CTNNA3: variants seen among roughly 807,000 people sequenced by gnomAD.
The protein encoded by CTNNA3 is catenin alpha-3.
A neutral mutation model predicts 95.7 loss-of-function variants in CTNNA3; 76 were observed. The ratio of observed to expected loss-of-function variants is 0.79; its 90% CI spans 0.66 to 0.96. CTNNA3 has a LOEUF of 0.96. Among genes scored for constraint, CTNNA3 ranks in the 40% least tolerant of loss-of-function variants. The pLI, the probability that CTNNA3 is intolerant of heterozygous loss-of-function variation, is 0.00. For missense variants in CTNNA3, 1,191 were observed against 1,089.8 expected (o/e 1.09, Z -1.31); for synonymous variants, 431 against 374.4 (o/e 1.15, Z -1.74).
chr10:67,621,155 C>A (rs1371382195), intron 2 of CTNNA3, among the ~76,000 whole-genome samples: 2 of 151,946 alleles, frequency 1.3e-5, no homozygotes, highest in African/African-American at 4.8e-5. Flanking sequence ...TCCAGAGATT[C>A]TGATTTAACT....
intron 9 of CTNNA3, among the ~76,000 whole-genome samples, chr10:66,716,511 G>A (rs907251277): frequency 1.3e-5 from 2 of 152,144 alleles, no homozygotes; most frequent in African/African-American, 4.8e-5. Flanking sequence ...AAAAATTGTG[G>A]AGAAGAATTT....
chr10:66,078,941 G>A (rs1589337981), intron 14 of CTNNA3: 1 of 152,016 alleles, frequency 6.6e-6, no homozygotes, highest in Middle Eastern at 3.4e-3. Context: ...ATTTGAATAA[G>A]TTTGGTTACC....
At chr10:65,920,677 A>G (rs1017522014) in intron 17 of CTNNA3, 60 bp from the exon 18 acceptor site, 4 of 1,551,276 alleles carry the variant, frequency 2.6e-6, no homozygotes, top group African/African-American at 2.7e-5. Context: ...AATTATTGCC[A>G]AGCGTGGGCA....
intron 14 of CTNNA3, among the ~76,000 whole-genome samples, chr10:66,102,036 C>G (rs763684785): frequency 6.6e-6 from 1 of 151,974 alleles, no homozygotes; most frequent in Non-Finnish European, 1.5e-5. Context: ...CCAAACGGGT[C>G]TTTGCTTGAA....
At chr10:67,292,779 A>T (rs188456187) in intron 5 of CTNNA3, among the ~76,000 whole-genome samples, 3 of 152,318 alleles carry the variant, frequency 2.0e-5, no homozygotes. Flanking sequence ...TTCAAAGAGC[A>T]ACATTTCTGA....
intron 14 of CTNNA3, among the ~76,000 whole-genome samples, chr10:66,102,041 C>A (rs2081654686): frequency 6.6e-6 from 1 of 152,002 alleles, no homozygotes; most frequent in Non-Finnish European, 1.5e-5. Context: ...CGGGTCTTTG[C>A]TTGAAATGTT....
intron 8 of CTNNA3, among the ~76,000 whole-genome samples, chr10:66,766,781 A>T (rs1839875909): frequency 6.6e-6 from 1 of 152,216 alleles, no homozygotes; most frequent in African/African-American, 2.4e-5. Context: ...TTATAATTAC[A>T]AATTATAGAA....
At chr10:66,184,561 A>G (rs951336488) in intron 13 of CTNNA3, among the ~76,000 whole-genome samples, 2 of 152,126 alleles carry the variant, frequency 1.3e-5, no homozygotes, top group Admixed American at 6.5e-5. Context: ...ATCTTTCGTC[A>G]TTGTTTTGCA....
chr10:66,044,155 C>T (rs541705153), intron 15 of CTNNA3, among the ~76,000 whole-genome samples: 12 of 152,126 alleles, frequency 7.9e-5, no homozygotes, highest in Admixed American at 2.6e-4. Flanking sequence ...CCACCATGCC[C>T]GGCTAATTGC....
chr10:66,791,215 C>T (rs1487427637), intron 7 of CTNNA3, among the ~76,000 whole-genome samples: 1 of 152,160 alleles, frequency 6.6e-6, no homozygotes, highest in African/African-American at 2.4e-5. Context: ...AACGGGTTCC[C>T]TTTGAAGGAT....
intron 10 of CTNNA3, among the ~76,000 whole-genome samples, chr10:66,591,538 G>C (rs150448839): frequency 6.2e-4 from 94 of 152,192 alleles, no homozygotes; most frequent in Non-Finnish European, 1.1e-3. Context: ...TTCATCTGTT[G>C]GCTGCTCTGA....
intron 5 of CTNNA3, among the ~76,000 whole-genome samples, chr10:67,267,469 A>G (rs906310361): frequency 2.0e-5 from 3 of 152,120 alleles, no homozygotes; most frequent in Non-Finnish European, 4.4e-5. Context: ...GGTTCATGCC[A>G]TCCTCCTGCC....
At chr10:66,589,788 A>G (rs185328874) in intron 10 of CTNNA3, among the ~76,000 whole-genome samples, 3 of 152,138 alleles carry the variant, frequency 2.0e-5, no homozygotes, top group African/African-American at 7.2e-5. Context: ...CTTAGATAAG[A>G]TCACTTAAAA....
intron 7 of CTNNA3, among the ~76,000 whole-genome samples, chr10:66,836,573 G>A (rs1842894442): frequency 6.6e-6 from 1 of 152,226 alleles, no homozygotes; most frequent in Non-Finnish European, 1.5e-5. Flanking sequence ...ATTACCAGGC[G>A]AGTCCTGCAG....
At chr10:65,926,972 C>T (rs2077177430) in intron 17 of CTNNA3, among the ~76,000 whole-genome samples, 1 of 152,040 alleles carries the variant, frequency 6.6e-6, no homozygotes, top group South Asian at 2.1e-4. Context: ...ATATATTTTT[C>T]TATAGTCTTT....
At chr10:66,590,458 C>T (rs912448998) in intron 10 of CTNNA3, among the ~76,000 whole-genome samples, 7 of 152,050 alleles carry the variant, frequency 4.6e-5, no homozygotes, top group African/African-American at 1.7e-4. Context: ...GATTATCCTA[C>T]CATTTATCAA....
intron 5 of CTNNA3, among the ~76,000 whole-genome samples, chr10:67,351,915 A>T (rs1842651640): frequency 6.6e-6 from 1 of 152,052 alleles, no homozygotes; most frequent in East Asian, 1.9e-4. Flanking sequence ...TATTAACCAG[A>T]AGTCAGGCTT....
intron 5 of CTNNA3, among the ~76,000 whole-genome samples, chr10:67,248,952 T>C (rs1263766257): frequency 1.3e-5 from 2 of 152,128 alleles, no homozygotes; most frequent in East Asian, 1.9e-4. Flanking sequence ...ACCTCAGGCA[T>C]AAATGGGTTT....
intron 11 of CTNNA3, among the ~76,000 whole-genome samples, chr10:66,441,547 A>T: frequency 6.6e-6 from 1 of 152,248 alleles, no homozygotes; most frequent in Non-Finnish European, 1.5e-5. Flanking sequence ...AGACTAAATA[A>T]TTAAGAACTC....
Sources: gnomAD v4.1 joint callset for allele counts (sites outside exome capture counted in the v4.1 genomes callset) on GRCh38, gnomAD v4.1.1 for gene constraint, MANE v1.5 for transcripts, NCBI Gene and HGNC (gene_info 2026-07-23, HGNC 2026-07-21) for gene names.